The following XPA variants were observed in gnomAD, a reference collection of about 807,000 sequenced individuals.
The protein encoded by XPA is XPA, DNA damage recognition and repair factor.
A neutral mutation model predicts 35.7 loss-of-function variants in XPA; 27 were observed. The observed-to-expected ratio is 0.76, with a 90% CI of 0.56 to 1.04. The LOEUF (loss-of-function observed/expected upper bound fraction) is 1.04. Among genes scored for constraint, XPA ranks in the 50% least tolerant of loss-of-function variants. The pLI, the probability that XPA is intolerant of heterozygous loss-of-function variation, is 0.00. For missense variants in XPA, 354 were observed against 342.7 expected (o/e 1.03, Z -0.26); for synonymous variants, 133 against 118.4 (o/e 1.12, Z -0.80).
the XPA span, chr9:97,669,724 A>T: frequency 1.4e-6 from 2 of 1,461,542 alleles, no homozygotes; most frequent in Non-Finnish European, 1.9e-6. Flanking sequence ...GGGAACTTCG[A>T]TTAGGTAATA....
the XPA span, chr9:97,655,580 A>C: frequency 3.0e-6 from 2 of 664,760 alleles, no homozygotes. Flanking sequence ...CATGTAGGGG[A>C]ATATGCTTTT....
chr9:97,690,832 C>G (rs1828866267), intron 2 of XPA, among the ~76,000 whole-genome samples: 1 of 152,212 alleles, frequency 6.6e-6, no homozygotes, highest in Non-Finnish European at 1.5e-5. Flanking sequence ...CCCTCTTCCA[C>G]TTTTAAGGAA....
intron 3 of XPA, among the ~76,000 whole-genome samples, chr9:97,689,321 C>T (rs913771991): frequency 5.9e-5 from 9 of 152,132 alleles, no homozygotes; most frequent in African/African-American, 1.7e-4. Context: ...GCAGAACCAT[C>T]GGCATCCTTC....
At chr9:97,675,782 G>C (rs775665543) in intron 5 of XPA, 195 bp from the exon 6 acceptor site, 1 of 662,530 alleles carries the variant, frequency 1.5e-6, no homozygotes, top group Non-Finnish European at 2.6e-6. Context: ...TCACTAGTTC[G>C]GCCTGTGAAT....
At position 97,693,720 on chromosome 9, in the gene XPA, G is replaced by C. The variant is rs747326646; in HGVS notation, c.212C>G (p.Thr71Arg). ...CTCTTCTAAAATGAAGCCTCCTCCT[G>C]TGTCAATTATCTTTGGGGCTGCTTT... Reference protein sequence around the residue: ...NVKAAPKIIDTGGGFILEEEE... With the variant: ...NVKAAPKIIDRGGGFILEEEE... The change falls in exon 2 of 6, where the codon ACA becomes AGA. Residue 71 changes from threonine (T) to arginine (R), a missense_variant. Coordinates refer to ENST00000375128, the MANE Select transcript of XPA (RefSeq NM_000380.4). 2 of 1,613,248 alleles carry C rather than the reference G, an allele frequency of 1.2e-6. No individual in the cohort carries two copies. Among genetic ancestry groups the C allele is most frequent in the South Asian group, 2.2e-5 (2 of 91,072 alleles).
the XPA span, chr9:97,669,660 C>T: frequency 3.7e-6 from 6 of 1,612,436 alleles, no homozygotes; most frequent in Non-Finnish European, 4.2e-6. Context: ...GTATTAACAC[C>T]ATGGTATAAG....
chr9:97,673,178 CT>C (rs1325377854), downstream of XPA: 2 of 151,984 alleles, frequency 1.3e-5, no homozygotes, highest in Admixed American at 6.6e-5. Flanking sequence ...AGTTTATCAA[CT>C]GTTTGTTATT....
chr9:97,666,967 A>AT, the XPA span: 14 of 993,162 alleles, frequency 1.4e-5, no homozygotes, highest in Admixed American at 1.3e-4. Flanking sequence ...ATGATATTTC[A>AT]TTTTTTCTGA....
At chr9:97,662,876 C>A in the XPA span, 4 of 1,060,696 alleles carry the variant, frequency 3.8e-6, no homozygotes, top group Non-Finnish European at 5.6e-6. Context: ...AATTGAGTAA[C>A]ATTGAAAAGG....
At chr9:97,676,273 G>A (rs1828363182) in intron 5 of XPA, among the ~76,000 whole-genome samples, 1 of 152,232 alleles carries the variant, frequency 6.6e-6, no homozygotes, top group East Asian at 1.9e-4. Flanking sequence ...TAGTTTAACT[G>A]TGAAGCCAGG....
At chr9:97,662,975 C>T in the XPA span, 1 of 1,612,716 alleles carries the variant, frequency 6.2e-7, no homozygotes, top group Non-Finnish European at 8.5e-7. Flanking sequence ...TCTTCAAAAC[C>T]CTAGCTGAAA....
the XPA span, among the ~76,000 whole-genome samples, chr9:97,658,330 G>C: frequency 6.6e-6 from 1 of 152,096 alleles, no homozygotes; most frequent in Non-Finnish European, 1.5e-5. Flanking sequence ...TTATTTATTT[G>C]ATAGAATATA....
chr9:97,664,236 T>G, the XPA span: 1 of 668,680 alleles, frequency 1.5e-6, no homozygotes, highest in South Asian at 2.6e-5. Context: ...CAAAACTAAA[T>G]TTTATAGCCC....
chr9:97,679,976 T>A (rs3176720), intron 5 of XPA, among the ~76,000 whole-genome samples: 1 of 152,076 alleles, frequency 6.6e-6, no homozygotes, highest in African/African-American at 2.4e-5. Context: ...GAACAGCAGC[T>A]GGCCTGGGCA....
chr9:97,674,651 G>C (rs1828293855), downstream of XPA, among the ~76,000 whole-genome samples: 1 of 152,170 alleles, frequency 6.6e-6, no homozygotes, highest in Admixed American at 6.5e-5. Context: ...TTCCTTAGAA[G>C]TCTGAAAGCA....
At chr9:97,687,601 G>A (rs1462463635) in intron 3 of XPA, among the ~76,000 whole-genome samples, 3 of 152,152 alleles carry the variant, frequency 2.0e-5, no homozygotes, top group Non-Finnish European at 4.4e-5. Context: ...GAGGAGTGGT[G>A]GGAGATACAG....
chr9:97,691,694 CAA>C (rs920096324), intron 2 of XPA, among the ~76,000 whole-genome samples: 2 of 151,478 alleles, frequency 1.3e-5, no homozygotes, highest in African/African-American at 2.4e-5. Context: ...GCCTGGGCAA[CAA>C]GAGTGAAACT....
intron 5 of XPA, among the ~76,000 whole-genome samples, chr9:97,683,926 A>G (rs2131391474): frequency 6.6e-6 from 1 of 152,330 alleles, no homozygotes; most frequent in South Asian, 2.1e-4. Context: ...TTCACTTTCA[A>G]TGAATTAATT....
the XPA span, chr9:97,658,741 G>A: frequency 6.9e-6 from 11 of 1,592,788 alleles, no homozygotes; most frequent in African/African-American, 2.7e-5. Flanking sequence ...GATGAAAGTA[G>A]CAGTAAGTAA....
Sources: gnomAD v4.1 joint callset for allele counts (sites outside exome capture counted in the v4.1 genomes callset) on GRCh38, gnomAD v4.1.1 for gene constraint, MANE v1.5 for transcripts, NCBI Gene and HGNC (gene_info 2026-07-23, HGNC 2026-07-21) for gene names.